CDH13: variants seen among roughly 807,000 people sequenced by gnomAD.
The protein encoded by CDH13 is cadherin-13.
CDH13 carries 24 observed loss-of-function variants against 63.8 expected under a neutral mutation model. The observed-to-expected ratio is 0.38, with a 90% confidence interval of 0.27 to 0.53. CDH13 has a LOEUF of 0.53. CDH13 is among the 20% of genes least tolerant of loss of function. The probability of loss-of-function intolerance (pLI) is 0.85; values close to 1 mark genes in which losing one functional copy is unlikely to be tolerated. For synonymous variants in CDH13, 503 were observed against 355.3 expected (o/e 1.42, Z -4.67); for missense variants, 1,049 against 903.1 (o/e 1.16, Z -2.07).
intron 2 of CDH13, among the ~76,000 whole-genome samples, chr16:82,885,052 T>G (rs188047930): frequency 3.6e-4 from 55 of 152,318 alleles, no homozygotes; most frequent in African/African-American, 1.1e-3. Context: ...ATTCTAATTT[T>G]TCTTCCGGTA....
At chr16:83,292,343 C>T (rs2089485085) in intron 5 of CDH13, among the ~76,000 whole-genome samples, 1 of 152,092 alleles carries the variant, frequency 6.6e-6, no homozygotes, top group Admixed American at 6.6e-5. Flanking sequence ...TAGTTCTGGG[C>T]CTCCCTGTCC....
intron 2 of CDH13, among the ~76,000 whole-genome samples, chr16:82,938,840 G>C (rs1232448332): frequency 2.6e-5 from 4 of 152,176 alleles, no homozygotes; most frequent in Admixed American, 6.5e-5. Flanking sequence ...TCCATCCTGA[G>C]GAGGGAGGGA....
At chr16:83,106,689 G>A (rs1342504716) in intron 3 of CDH13, among the ~76,000 whole-genome samples, 1 of 152,170 alleles carries the variant, frequency 6.6e-6, no homozygotes, top group African/African-American at 2.4e-5. Flanking sequence ...GAAAACTTGG[G>A]AAGTATCATT....
At chr16:83,340,404 A>G (rs756587250) in intron 5 of CDH13, among the ~76,000 whole-genome samples, 4 of 152,060 alleles carry the variant, frequency 2.6e-5, no homozygotes, top group Admixed American at 1.3e-4. Flanking sequence ...GGAGTGGTGA[A>G]TGAGTCCAAC....
chr16:83,507,863 C>G (rs2074439141), intron 7 of CDH13, among the ~76,000 whole-genome samples: 1 of 148,760 alleles, frequency 6.7e-6, no homozygotes. Context: ...TAAAACCCGT[C>G]TCTACTAAAG....
At chr16:82,858,032 C>G (rs145736411) in intron 1 of CDH13, among the ~76,000 whole-genome samples, 2 of 152,128 alleles carry the variant, frequency 1.3e-5, no homozygotes, top group African/African-American at 2.4e-5. Flanking sequence ...TTGGTTTTAG[C>G]TTAGGCATCA....
rs1156250160 is a variant in CDH13 at position 83,430,546 on chromosome 16, T to A, written c.782-55931T>A. On this transcript the variant is annotated intron_variant, in intron 6 of 13. Coordinates refer to ENST00000567109, the MANE Select transcript of CDH13 (RefSeq NM_001257.5). ...ATGTGATTTTATCAAACCTTTATTC[T>A]TCTTTTTGAAATCCTGCTTTTCTAT... is the stretch of plus-strand genomic sequence containing the variant. Among the ~76,000 whole-genome samples the A allele has an allele frequency of 1.3e-5, 2 of 152,228 alleles. 1 individual carries two copies. The highest frequency in any genetic ancestry group is 4.1e-4 in the South Asian group (2 of 4,836).
At chr16:82,884,719 A>T (rs1164341998) in intron 2 of CDH13, among the ~76,000 whole-genome samples, 1 of 152,194 alleles carries the variant, frequency 6.6e-6, no homozygotes, top group Non-Finnish European at 1.5e-5. Flanking sequence ...GGCATCTCCA[A>T]GTTTTTCTCA....
chr16:83,292,181 T>C (rs2089481746), intron 5 of CDH13, among the ~76,000 whole-genome samples: 2 of 152,234 alleles, frequency 1.3e-5, no homozygotes, highest in African/African-American at 4.8e-5. Flanking sequence ...AACTGAAGCA[T>C]GAACATAGAT....
chr16:82,778,143 C>T (rs745443504), intron 1 of CDH13, among the ~76,000 whole-genome samples: 29 of 152,126 alleles, frequency 1.9e-4, no homozygotes, highest in Admixed American at 5.2e-4. Flanking sequence ...CTACAAGAAC[C>T]GTGATTATTT....
At chr16:82,967,582 T>C (rs1013975250) in intron 2 of CDH13, among the ~76,000 whole-genome samples, 3 of 152,200 alleles carry the variant, frequency 2.0e-5, no homozygotes, top group African/African-American at 7.2e-5. Context: ...TTTCCTGCCT[T>C]ACTTCTGAAG....
Position 83,186,474 on chromosome 16 carries a change from T to A in CDH13, c.484-30871T>A, listed in dbSNP as rs1391892011. On this transcript the variant is annotated intron_variant, in intron 4 of 13. Coordinates refer to ENST00000567109, the MANE Select transcript of CDH13 (RefSeq NM_001257.5). ...AGTCATTCGACTTTTCGAGACAGCC[T>A]TATCAGTAGCCTCTGATGCTTGAGG... 3.3e-5 allele frequency among the ~76,000 whole-genome samples: 5 copies of A among 152,278 alleles called. No individual in the cohort carries two copies. The East Asian group carries it at 9.7e-4, about 29-fold the overall frequency.
chr16:83,086,438 G>T lies in CDH13; in HGVS notation c.367-38947G>T, dbSNP rs576698658. On this transcript the variant is annotated intron_variant, in intron 3 of 13. Transcript: ENST00000567109. The stretch of plus-strand genomic sequence containing the variant: ...GGAGTTCTAATTAAGACTCATTAGG[G>T]TGACGATGGTTGTAAAGTGCTTATT... Among the ~76,000 whole-genome samples the T allele has an allele frequency of 1.2e-3, 183 of 152,256 alleles. 1 individual carries two copies. Among genetic ancestry groups the T allele is most frequent in the South Asian group, 9.7e-3 (47 of 4,822 alleles).
intron 4 of CDH13, among the ~76,000 whole-genome samples, chr16:83,159,837 G>A (rs191997740): frequency 6.6e-6 from 1 of 152,260 alleles, no homozygotes; most frequent in Non-Finnish European, 1.5e-5. Context: ...CACTTTGGGA[G>A]ACTGAGGCTA....
At chr16:82,774,896 G>T (rs1404673087) in intron 1 of CDH13, among the ~76,000 whole-genome samples, 1 of 152,190 alleles carries the variant, frequency 6.6e-6, no homozygotes, top group African/African-American at 2.4e-5. Flanking sequence ...TCTTCCTATA[G>T]CTGCAGCTGA....
intron 1 of CDH13, among the ~76,000 whole-genome samples, chr16:82,742,315 T>G (rs1203314251): frequency 6.6e-6 from 1 of 152,174 alleles, no homozygotes; most frequent in Non-Finnish European, 1.5e-5. Flanking sequence ...TATTTTTATT[T>G]TTTTCTTTTT....
At chr16:83,590,941 G>A (rs1181821413) in intron 7 of CDH13, among the ~76,000 whole-genome samples, 2 of 126,454 alleles carry the variant, frequency 1.6e-5, no homozygotes, top group Admixed American at 1.0e-4. Flanking sequence ...AGGGAGTTTC[G>A]CTCTCGTTGC....
chr16:83,671,185 G>T (rs80161754), intron 9 of CDH13, among the ~76,000 whole-genome samples: 42 of 152,140 alleles, frequency 2.8e-4, no homozygotes, highest in Non-Finnish European at 5.0e-4. Context: ...TGTTTTATAG[G>T]TTCTAAAATA....
At chr16:82,655,265 C>A (rs146105365) in intron 1 of CDH13, among the ~76,000 whole-genome samples, 7 of 152,324 alleles carry the variant, frequency 4.6e-5, no homozygotes, top group Non-Finnish European at 1.0e-4. Flanking sequence ...ATCAGTGTTG[C>A]AATCAATGAG....
Sources: gnomAD v4.1 joint callset for allele counts (sites outside exome capture counted in the v4.1 genomes callset) on GRCh38, gnomAD v4.1.1 for gene constraint, MANE v1.5 for transcripts, NCBI Gene and HGNC (gene_info 2026-07-23, HGNC 2026-07-21) for gene names.